Variants in TNFRSF9 observed in about 807,000 individuals in gnomAD.
The protein encoded by TNFRSF9 is TNF receptor superfamily member 9.
Under a neutral mutation model 28.8 loss-of-function variants are expected in TNFRSF9, and 16 were observed. That is an observed-to-expected ratio of 0.55 (90% CI 0.38 to 0.84). TNFRSF9 has a LOEUF of 0.84. TNFRSF9 is among the 40% of genes least tolerant of loss of function. TNFRSF9 has a pLI of 0.00. For synonymous variants in TNFRSF9, 131 were observed against 117.0 expected (o/e 1.12, Z -0.77); for missense variants, 303 against 315.0 (o/e 0.96, Z 0.29).
chr1:7,935,824 T>A (rs938426900), intron 5 of TNFRSF9, among the ~76,000 whole-genome samples: 2 of 151,866 alleles, frequency 1.3e-5, no homozygotes, highest in African/African-American at 4.8e-5. Context: ...AAAAGAAACC[T>A]CCCTAAGCCT....
intron 3 of TNFRSF9, 86 bp from the exon 4 acceptor site, chr1:7,938,416 T>A (rs1639854181): frequency 1.5e-6 from 2 of 1,361,730 alleles, no homozygotes; most frequent in African/African-American, 3.0e-5. Flanking sequence ...GTAAAAATCA[T>A]GCTCACTCTA....
chr1:7,926,477 C>T (rs927434197), intron 7 of TNFRSF9, among the ~76,000 whole-genome samples: 1 of 152,160 alleles, frequency 6.6e-6, no homozygotes, highest in Non-Finnish European at 1.5e-5. Context: ...TGTGACTGTA[C>T]TTCACATAGT....
intron 7 of TNFRSF9, among the ~76,000 whole-genome samples, chr1:7,929,951 T>C (rs570500876): frequency 2.0e-5 from 3 of 149,348 alleles, no homozygotes; most frequent in South Asian, 2.1e-4. Flanking sequence ...GAAAGTTCTT[T>C]TGAACGACCT....
intron 6 of TNFRSF9, among the ~76,000 whole-genome samples, chr1:7,933,833 A>G (rs1639772943): frequency 6.6e-6 from 1 of 152,196 alleles, no homozygotes; most frequent in Non-Finnish European, 1.5e-5. Flanking sequence ...CCTGGCCAAC[A>G]TGGAGAAACT....
At chr1:7,932,947 G>A (rs1639755618) in intron 7 of TNFRSF9, among the ~76,000 whole-genome samples, 1 of 152,132 alleles carries the variant, frequency 6.6e-6, no homozygotes, top group Non-Finnish European at 1.5e-5. Context: ...CTCACTAGAT[G>A]CAATAGCCCC....
chr1:7,934,436 C>A (rs1379000036), intron 6 of TNFRSF9, among the ~76,000 whole-genome samples: 1 of 151,334 alleles, frequency 6.6e-6, no homozygotes, highest in African/African-American at 2.4e-5. Flanking sequence ...CCTGGACGGG[C>A]GTGGTGGCTC....
rs752004630 is a variant in TNFRSF9 at position 7,937,756 on chromosome 1, C to T, written c.347G>A (p.Gly116Asp). 3 of 1,610,654 alleles carry T rather than the reference C, an allele frequency of 1.9e-6. No individual in the cohort carries two copies. The highest frequency in any genetic ancestry group is 2.2e-5 in the East Asian group (1 of 44,866). Residue 116 changes from glycine to aspartate, a missense_variant and splice_region_variant, in exon 5 of 8, where the codon GGT (glycine) becomes GAT (aspartate). Coordinates refer to ENST00000377507, the MANE Select transcript of TNFRSF9 (RefSeq NM_001561.6). ...TGTCCCAAAGCAACAGTCTTTACAA[C>T]CTTGTATTAAAAATGAAAGCAATAA... ...CKQGQELTKK[G>D]CKDCCFGTFN... is the part of the protein sequence containing the mutation.
Position 7,920,930 on chromosome 1 carries a change from A to G in TNFRSF9, c.680-7T>C, listed in dbSNP as rs1361632057. ...TGTACTGGTCTCATAAATGCTAAAA[A>G]AAAAATTTTAAGATACGTATATTTT... On this transcript the variant is annotated splice_polypyrimidine_tract_variant and splice_region_variant and intron_variant, in intron 7 of 7. Coordinates refer to ENST00000377507, the MANE Select transcript of TNFRSF9 (RefSeq NM_001561.6). 4.4e-6 allele frequency: 7 copies of G among 1,601,230 alleles called. No individual in the cohort carries two copies. Among genetic ancestry groups the G allele is most frequent in the Admixed American group, 1.7e-5 (1 of 58,642 alleles).
At chr1:7,935,935 G>T (rs1254070943) in intron 5 of TNFRSF9, among the ~76,000 whole-genome samples, 1 of 152,128 alleles carries the variant, frequency 6.6e-6, no homozygotes, top group Non-Finnish European at 1.5e-5. Context: ...CATCTGACAC[G>T]CTGAGTAAAT....
chr1:7,938,106 CTGTT>C (rs1174291775), intron 4 of TNFRSF9, 83 bp downstream of exon 4: 12 of 1,278,496 alleles, frequency 9.4e-6, no homozygotes, highest in African/African-American at 4.6e-5. Context: ...TTCTACAAAT[CTGTT>C]TGTTTATTTT....
intron 7 of TNFRSF9, among the ~76,000 whole-genome samples, chr1:7,926,775 C>T (rs76647096): frequency 5.3e-4 from 81 of 152,260 alleles, no homozygotes; most frequent in African/African-American, 1.8e-3. Context: ...GATAGCCCCA[C>T]GTAATTGCAG....
At position 7,939,959 on chromosome 1, in the gene TNFRSF9, C is replaced by T. The variant is rs747748444; in HGVS notation, c.36G>A (p.Leu12=). ...TCCTCTCAAAGTTGAGGACCAGCAA[C>T]AGAGTGGCTACTATGTTGTAACAGC... ...GNSCYNIVAT[L]LLVLNFERTR... Residue 12 remains leucine (L), a synonymous_variant, in exon 2 of 8, where the codon CTG becomes CTA. Coordinates refer to ENST00000377507, the MANE Select transcript of TNFRSF9 (RefSeq NM_001561.6). 2 of 1,605,148 alleles carry T rather than the reference C, an allele frequency of 1.2e-6. No individual in the cohort carries two copies. The highest frequency in any genetic ancestry group is 8.5e-7 in the Non-Finnish European group (1 of 1,172,640).
At chr1:7,935,900 T>C (rs1209730510) in intron 5 of TNFRSF9, among the ~76,000 whole-genome samples, 1 of 152,076 alleles carries the variant, frequency 6.6e-6, no homozygotes, top group East Asian at 1.9e-4. Flanking sequence ...AACAAACGAG[T>C]GAGAGTCAGT....
At position 7,937,743 on chromosome 1, in the gene TNFRSF9, A is replaced by G; in HGVS notation, c.360T>C (p.Cys120=). The G allele has an allele frequency of 6.2e-7, 1 of 1,613,210 alleles. No individual in the cohort carries two copies. The highest frequency in any genetic ancestry group is 1.7e-5 in the Admixed American group (1 of 60,020). Residue 120 remains cysteine, a synonymous_variant, in exon 5 of 8, where the codon TGT becomes TGC. Transcript: ENST00000377507. ...TCTGATCGTTAAATGTCCCAAAGCA[A>G]CAGTCTTTACAACCTTGTATTAAAA... ...QELTKKGCKD[C]CFGTFNDQKR... is the part of the protein sequence containing the mutation.
intron 7 of TNFRSF9, among the ~76,000 whole-genome samples, chr1:7,924,098 T>C (rs1235236970): frequency 1.3e-5 from 2 of 152,052 alleles, no homozygotes; most frequent in East Asian, 3.8e-4. Context: ...CCAACCATCA[T>C]AACATTGCAG....
chr1:7,938,902 A>G (rs1306769150), intron 2 of TNFRSF9, 74 bp from the exon 3 acceptor site: 2 of 1,075,018 alleles, frequency 1.9e-6, no homozygotes, highest in Non-Finnish European at 2.8e-6. Context: ...GAAGTTTACA[A>G]TAAAATAAGA....
In TNFRSF9 at chr1:7,924,003, G is replaced by A. The variant is rs963633286; in HGVS notation, c.680-3080C>T. On this transcript the variant is annotated intron_variant, in intron 7 of 7. Coordinates refer to ENST00000377507, the MANE Select transcript of TNFRSF9 (RefSeq NM_001561.6). ...ATACAGTCATACAGCGTACAACAAC[G>A]TTTTGGTCAAAAACAGACTGCATAT... 8.5e-5 allele frequency among the ~76,000 whole-genome samples: 13 copies of A among 152,172 alleles called. No individual in the cohort carries two copies. In the East Asian group the frequency reaches 1.9e-3, roughly 23 times the overall value.
At chr1:7,938,852 T>G (rs1639860174) in intron 2 of TNFRSF9, 24 bp from the exon 3 acceptor site, 1 of 1,554,072 alleles carries the variant, frequency 6.4e-7, no homozygotes, top group African/African-American at 1.4e-5. Context: ...ACAATAGTGG[T>G]ACACGTTTGA....
intron 7 of TNFRSF9, among the ~76,000 whole-genome samples, chr1:7,925,078 C>A (rs191339582): frequency 1.3e-5 from 2 of 151,870 alleles, no homozygotes; most frequent in Non-Finnish European, 2.9e-5. Context: ...CTTTGGGAGG[C>A]CGAGGTGGGC....
Sources: gnomAD v4.1 joint callset for allele counts (sites outside exome capture counted in the v4.1 genomes callset) on GRCh38, gnomAD v4.1.1 for gene constraint, MANE v1.5 for transcripts, NCBI Gene and HGNC (gene_info 2026-07-23, HGNC 2026-07-21) for gene names.